Variants in COL28A1 observed in about 807,000 individuals in gnomAD.
COL28A1 encodes the protein collagen alpha-1(XXVIII) chain.
COL28A1 carries 161 observed loss-of-function variants against 150.2 expected under a neutral mutation model. That is an observed-to-expected ratio of 1.07 (90% confidence interval 0.94 to 1.22). The LOEUF is 1.22. COL28A1 is among the 50% of genes most tolerant of loss of function. The pLI is 0.00. For synonymous variants in COL28A1, 552 were observed against 469.7 expected, an observed-to-expected ratio of 1.18 and a Z score of -2.26; for missense variants, 1,617 against 1,388.3, an observed-to-expected ratio of 1.16 and a Z score of -2.62.
the COL28A1 span, among the ~76,000 whole-genome samples, chr7:7,348,177 C>T: frequency 1.3e-5 from 2 of 151,906 alleles, no homozygotes; most frequent in African/African-American, 2.4e-5. Flanking sequence ...CATTTTGATG[C>T]CGTTAACTAA....
chr7:7,433,247 A>G (rs1273833686), intron 23 of COL28A1, among the ~76,000 whole-genome samples: 1 of 152,160 alleles, frequency 6.6e-6, no homozygotes, highest in African/African-American at 2.4e-5. Context: ...AGAGTTTTCT[A>G]AGACTTGTAA....
At chr7:7,349,813 G>T in the COL28A1 span, among the ~76,000 whole-genome samples, 2 of 152,054 alleles carry the variant, frequency 1.3e-5, no homozygotes, top group African/African-American at 2.4e-5. Context: ...TTACTTCTTG[G>T]TAAGTAAGGA....
chr7:7,361,837 G>A (rs1305579102), intron 33 of COL28A1, among the ~76,000 whole-genome samples: 13 of 107,000 alleles, frequency 1.2e-4, no homozygotes, highest in African/African-American at 4.4e-4. Flanking sequence ...ATACACCATG[G>A]AATACTATGC....
chr7:7,476,245 G>T (rs1353968053), intron 14 of COL28A1, among the ~76,000 whole-genome samples: 2 of 152,106 alleles, frequency 1.3e-5, no homozygotes, highest in African/African-American at 4.8e-5. Flanking sequence ...AAGGAAGAAG[G>T]ACTCCAAAAT....
At chr7:7,341,592 C>G in the COL28A1 span, among the ~76,000 whole-genome samples, 4 of 151,928 alleles carry the variant, frequency 2.6e-5, no homozygotes, top group African/African-American at 9.7e-5. Context: ...TAATTTTCAG[C>G]CTTTTTTGCT....
chr7:7,538,688 G>T (rs1782727518), upstream of COL28A1, among the ~76,000 whole-genome samples: 1 of 151,946 alleles, frequency 6.6e-6, no homozygotes, highest in South Asian at 2.1e-4. Flanking sequence ...AAGTCTGCTA[G>T]GACTTACATA....
chr7:7,496,148 T>C (rs1780196888), intron 11 of COL28A1, among the ~76,000 whole-genome samples: 1 of 152,224 alleles, frequency 6.6e-6, no homozygotes, highest in Non-Finnish European at 1.5e-5. Context: ...TATTTTAGTA[T>C]TGATAGCACT....
chr7:7,355,890 A>G (rs561716563), downstream of COL28A1, among the ~76,000 whole-genome samples: 12 of 152,308 alleles, frequency 7.9e-5, no homozygotes, highest in Admixed American at 2.6e-4. Flanking sequence ...GAATAAGAGC[A>G]TTCACAGCAA....
At chr7:7,490,671 G>C (rs1278591321) in intron 11 of COL28A1, 25 bp from the exon 12 acceptor site, 1 of 979,224 alleles carries the variant, frequency 1.0e-6, no homozygotes, top group South Asian at 1.3e-5. Context: ...AGTGACATCA[G>C]TTATATGTTA....
chr7:7,479,991 C>T (rs1036689667), intron 13 of COL28A1, among the ~76,000 whole-genome samples: 2 of 152,142 alleles, frequency 1.3e-5, no homozygotes, highest in African/African-American at 4.8e-5. Flanking sequence ...GCTTCACTTG[C>T]CAGAGAAATA....
At chr7:7,538,406 T>C (rs74750502), upstream of COL28A1, among the ~76,000 whole-genome samples, 1,167 of 152,316 alleles carry the variant, frequency 7.7e-3, 6 homozygotes, top group Non-Finnish European at 0.012. Context: ...GTTACTACTA[T>C]AAATAGCCCA....
At chr7:7,510,331 C>T (rs1463090702) in intron 9 of COL28A1, among the ~76,000 whole-genome samples, 1 of 152,154 alleles carries the variant, frequency 6.6e-6, no homozygotes, top group African/African-American at 2.4e-5. Flanking sequence ...GTCACCCAGG[C>T]TGGAGTGCAG....
intron 27 of COL28A1, among the ~76,000 whole-genome samples, chr7:7,404,082 T>C (rs1023542649): frequency 3.9e-5 from 6 of 152,172 alleles, no homozygotes; most frequent in Non-Finnish European, 8.8e-5. Context: ...ATCAATCTTT[T>C]ATTAGACCGA....
At chr7:7,366,222 T>C (rs1485331780) in intron 33 of COL28A1, among the ~76,000 whole-genome samples, 4 of 152,218 alleles carry the variant, frequency 2.6e-5, no homozygotes, top group African/African-American at 9.6e-5. Flanking sequence ...CAGGCAGCTA[T>C]GAGATTTCAT....
intron 33 of COL28A1, among the ~76,000 whole-genome samples, chr7:7,367,151 A>G (rs1780978999): frequency 6.6e-6 from 1 of 152,182 alleles, no homozygotes; most frequent in Admixed American, 6.5e-5. Context: ...ACAGTAGTAC[A>G]GTGATATGCT....
intron 3 of COL28A1, among the ~76,000 whole-genome samples, chr7:7,528,249 C>T (rs941620512): frequency 2.0e-5 from 3 of 152,152 alleles, no homozygotes; most frequent in Non-Finnish European, 4.4e-5. Context: ...CACATATCCT[C>T]TCTTACTCTT....
intron 13 of COL28A1, 135 bp downstream of exon 13, chr7:7,489,254 T>G (rs889597671): frequency 2.2e-5 from 14 of 623,512 alleles, no homozygotes; most frequent in Non-Finnish European, 3.1e-5. Flanking sequence ...TGGGTGACAG[T>G]GAGATTCCGT....
chr7:7,425,638 T>A (rs987127088), intron 25 of COL28A1, among the ~76,000 whole-genome samples: 5 of 152,240 alleles, frequency 3.3e-5, no homozygotes, highest in African/African-American at 1.2e-4. Flanking sequence ...ATGTGTGTGA[T>A]TTGGCAGCGT....
intron 15 of COL28A1, among the ~76,000 whole-genome samples, chr7:7,462,149 G>A (rs1787683818): frequency 6.6e-6 from 1 of 152,140 alleles, no homozygotes; most frequent in South Asian, 2.1e-4. Flanking sequence ...CAGCTTAGCT[G>A]TCAGGAAGCC....
Sources: gnomAD v4.1 joint callset for allele counts (sites outside exome capture counted in the v4.1 genomes callset) on GRCh38, gnomAD v4.1.1 for gene constraint, MANE v1.5 for transcripts, NCBI Gene and HGNC (gene_info 2026-07-23, HGNC 2026-07-21) for gene names.